Variants in CUZD1 observed in about 807,000 individuals in gnomAD.
CUZD1 encodes CUB and zona pellucida like domains 1.
Under a neutral mutation model 53.1 loss-of-function variants are expected in CUZD1, and 42 were observed. The ratio of observed to expected loss-of-function variants is 0.79; its 90% CI spans 0.62 to 1.02. The LOEUF (loss-of-function observed/expected upper bound fraction) is 1.02, where lower values mean the gene tolerates loss of function less well. Ranked by LOEUF, CUZD1 falls within the 50% of genes least tolerant of loss-of-function variation. CUZD1 has a pLI of 0.00. For synonymous variants in CUZD1, 238 were observed against 257.2 expected (o/e 0.93, Z 0.71); for missense variants, 670 against 715.7 (o/e 0.94, Z 0.73).
rs1591710415 is a variant in CUZD1, at chr10:122,836,854, A to G, written c.794T>C (p.Ile265Thr). 2 of 1,613,226 alleles carry G rather than the reference A, an allele frequency of 1.2e-6. No homozygotes were observed. The highest frequency in any genetic ancestry group is 2.2e-5 in the East Asian group (1 of 44,882). Residue 265 changes from isoleucine (I) to threonine (T), a missense_variant, in exon 5 of 9, where the codon ATT becomes ACT. Physicochemically the swap from Ile to Thr is moderately conservative, Grantham distance 89. Transcript: ENST00000392790. The part of the protein sequence containing the change: ...YRGFSASYTS[I>T]YAENINTTSL... ...ACTAGTGTTGATGTTTTCTGCATAA[A>G]TTGAGGTGTAGGAAGCAGAAAATCC...
At chr10:122,838,865 T>G in intron 3 of CUZD1, 152 bp downstream of exon 3, 1 of 627,950 alleles carries the variant, frequency 1.6e-6, no homozygotes, top group Non-Finnish European at 2.8e-6. Context: ...ATGATTCTTA[T>G]GCACATGTAA....
At chr10:122,836,612 T>A (rs1309939425) in intron 5 of CUZD1, among the ~76,000 whole-genome samples, 1 of 152,212 alleles carries the variant, frequency 6.6e-6, no homozygotes, top group Non-Finnish European at 1.5e-5. Context: ...GTCCATATTA[T>A]CTGCATAAAT....
chr10:122,833,871 G>A lies in CUZD1; in HGVS notation c.1452C>T (p.Ala484=), dbSNP rs1847200126. ...AGCTCATACTTCTCAAGAATTTAAA[G>A]GCATTAAACTGGAATCTCCCATAGT... ...FGHYGRFQFN[A]FKFLRSMSSV... is the part of the protein sequence containing the mutation. Residue 484 remains alanine (A), a synonymous_variant, in exon 8 of 9, where the codon GCC becomes GCT. Transcript: ENST00000392790. 1 of 1,613,712 alleles carries A rather than the reference G, an allele frequency of 6.2e-7. No individual in the cohort carries two copies. Among genetic ancestry groups the A allele is most frequent in the African/African-American group, 1.3e-5 (1 of 74,868 alleles).
At chr10:122,845,726 C>A in intron 1 of CUZD1, 36 bp downstream of exon 1, 2 of 1,592,026 alleles carry the variant, frequency 1.3e-6, no homozygotes, top group Non-Finnish European at 1.7e-6. Context: ...AAGAACTTCT[C>A]TGTTTTGGTG....
intron 8 of CUZD1, 137 bp downstream of exon 8, chr10:122,833,535 T>C: frequency 1.2e-6 from 1 of 864,374 alleles, no homozygotes; most frequent in Non-Finnish European, 1.8e-6. Flanking sequence ...ACTAATCCTA[T>C]ATACTTAAAA....
At chr10:122,845,354 C>A (rs1054483497) in intron 1 of CUZD1, among the ~76,000 whole-genome samples, 4 of 152,114 alleles carry the variant, frequency 2.6e-5, no homozygotes, top group Non-Finnish European at 5.9e-5. Context: ...GGATTACAGG[C>A]GTGAGCCACC....
intron 1 of CUZD1, among the ~76,000 whole-genome samples, chr10:122,842,476 G>A (rs1185145055): frequency 6.6e-6 from 1 of 152,094 alleles, no homozygotes; most frequent in Non-Finnish European, 1.5e-5. Flanking sequence ...AATTTTCTCT[G>A]TCTATCCTTT....
At position 122,832,236 on chromosome 10, in the gene CUZD1, C is replaced by T; in HGVS notation, c.*42G>A. On this transcript the variant is annotated 3_prime_UTR_variant, in exon 9 of 9. Transcript: ENST00000392790. ...AGCCACGAGGTAGCATTTCCTTTGGCATCCTGGAGAAACATGTCTCACTTA... is the reference window on the plus strand; with the variant it reads ...AGCCACGAGGTAGCATTTCCTTTGGTATCCTGGAGAAACATGTCTCACTTA... 1 of 1,599,192 alleles carries T rather than the reference C, an allele frequency of 6.3e-7. No individual in the cohort carries two copies. Among genetic ancestry groups the T allele is most frequent in the Non-Finnish European group, 8.6e-7 (1 of 1,169,114 alleles).
At chr10:122,843,499 T>A (rs1039206731) in intron 1 of CUZD1, among the ~76,000 whole-genome samples, 1 of 152,202 alleles carries the variant, frequency 6.6e-6, no homozygotes, top group Admixed American at 6.5e-5. Context: ...AAAAAGTTTG[T>A]ACATGTTCTG....
Position 122,835,060 on chromosome 10 carries a change from G to T in CUZD1, c.1028C>A (p.Thr343Asn). 1 of 1,604,506 alleles carries T rather than the reference G, an allele frequency of 6.2e-7. No individual in the cohort carries two copies. The highest frequency in any genetic ancestry group is 1.7e-5 in the Admixed American group (1 of 58,970). ...DQSITYTNII[T>N]FSASSTSEVI... Reference sequence around the variant, plus strand: ...TTCAGAAGTTGAGGATGCAGAAAAGGTGATTATATTGGTGTAAGTAATTGA... The same window carrying T: ...TTCAGAAGTTGAGGATGCAGAAAAGTTGATTATATTGGTGTAAGTAATTGA... The change falls in exon 7 of 9, where the codon ACC becomes AAC. Residue 343 changes from threonine (T) to asparagine (N), a missense_variant. Coordinates refer to ENST00000392790, the MANE Select transcript of CUZD1 (RefSeq NM_022034.6).
In CUZD1 at chr10:122,834,723, G is replaced by A. The variant is rs148306521; in HGVS notation, c.1365C>T (p.Tyr455=). The A allele has an allele frequency of 3.5e-5, 56 of 1,607,020 alleles. No individual in the cohort carries two copies. Among genetic ancestry groups the A allele is most frequent in the African/African-American group, 2.7e-4 (20 of 74,772 alleles). ...SPTSDFASPT[Y]DLIKSGCSRD... ...ATACATACCCACTCTTGATTAGGTCGTAGGTTGGAGATGCAAAGTCAGAGG... is the reference window on the plus strand; with the variant it reads ...ATACATACCCACTCTTGATTAGGTCATAGGTTGGAGATGCAAAGTCAGAGG... Residue 455 remains tyrosine, a synonymous_variant, in exon 7 of 9, where the codon TAC becomes TAT. Transcript: ENST00000392790.
Position 122,839,109 on chromosome 10 carries a change from G to A in CUZD1, c.356C>T (p.Ser119Leu). 3 of 1,614,098 alleles carry A rather than the reference G, an allele frequency of 1.9e-6. No homozygotes were observed. The highest frequency in any genetic ancestry group is 1.6e-4 in the Middle Eastern group (1 of 6,062). ...KNDYVPVFESSSSTLTFQIVT... is the reference protein window; with the variant it reads ...KNDYVPVFESLSSTLTFQIVT... ...TATTTGAAACGTCAATGTACTGGAT[G>A]ATGATTCAAATACAGGAACATAGTC... is the stretch of plus-strand genomic sequence containing the variant. The change falls in exon 3 of 9, where the codon TCA (serine) becomes TTA (leucine). Residue 119 changes from serine to leucine, a missense_variant. Transcript: ENST00000392790.
chr10:122,838,760 T>A (rs995610979), intron 3 of CUZD1, among the ~76,000 whole-genome samples: 2 of 152,150 alleles, frequency 1.3e-5, no homozygotes, highest in African/African-American at 4.8e-5. Context: ...ATCTGGGAGC[T>A]AGTTAGAAAG....
intron 8 of CUZD1, among the ~76,000 whole-genome samples, chr10:122,833,326 G>C (rs1246631578): frequency 6.6e-6 from 1 of 151,876 alleles, no homozygotes. Context: ...ACTCATTTAG[G>C]AGTTAAAACA....
At chr10:122,840,115 G>T (rs1468362558) in intron 2 of CUZD1, among the ~76,000 whole-genome samples, 1 of 152,198 alleles carries the variant, frequency 6.6e-6, no homozygotes, top group Non-Finnish European at 1.5e-5. Flanking sequence ...TACACAGCAA[G>T]AATAGCATAT....
At chr10:122,843,762 G>A (rs1477786453) in intron 1 of CUZD1, among the ~76,000 whole-genome samples, 1 of 149,622 alleles carries the variant, frequency 6.7e-6, no homozygotes, top group Non-Finnish European at 1.5e-5. Context: ...GAGAAATGGA[G>A]AGTGAATGGT....
In CUZD1 at chr10:122,836,456, AT is replaced by A; in HGVS notation, c.818-107del. The A allele has an allele frequency of 5.0e-6, 5 of 995,834 alleles. No individual in the cohort carries two copies. In the South Asian group the frequency reaches 9.4e-5, roughly 19 times the overall value. The allele number at this position is 995,834 out of a possible 1,614,324, so 61.7% of individuals were successfully genotyped here. A position where few individuals can be genotyped will look rare whatever the true frequency, so the allele number is the denominator to read the frequency against. On this transcript the variant is annotated intron_variant, in intron 5 of 8. Transcript: ENST00000392790. ...AGTAAATATATAAAAAGTCAAAACC[AT>A]TTTGCCCTAAACAGTAATCATAAAT...
intron 1 of CUZD1, among the ~76,000 whole-genome samples, chr10:122,842,590 A>G (rs547164096): frequency 6.6e-6 from 1 of 152,246 alleles, no homozygotes; most frequent in African/African-American, 2.4e-5. Flanking sequence ...TGGCTATTCC[A>G]GTTCCTTTGC....
chr10:122,843,385 C>CACATGCATGTGTTTGCATGTGACCT (rs1847374488), intron 1 of CUZD1, among the ~76,000 whole-genome samples: 1 of 152,154 alleles, frequency 6.6e-6, no homozygotes, highest in Non-Finnish European at 1.5e-5. Context: ...ATGTGACCTA[C>CACATGCATGTGTTTGCATGTGACCT]ACACATCCTG....
Sources: allele counts gnomAD v4.1 joint callset (sites outside exome capture counted in the v4.1 genomes callset), GRCh38; gene constraint gnomAD v4.1.1; transcripts MANE v1.5; gene names NCBI Gene and HGNC (gene_info 2026-07-23, HGNC 2026-07-21).